The following KALRN variants were observed in gnomAD, a reference collection of about 807,000 sequenced individuals.
The protein encoded by KALRN is kalirin RhoGEF kinase.
Under a neutral mutation model 353.7 loss-of-function variants are expected in KALRN, and 70 were observed. That is an observed-to-expected ratio of 0.20 (90% CI 0.16 to 0.24). The LOEUF (loss-of-function observed/expected upper bound fraction) is 0.24. Among genes scored for constraint, KALRN ranks in the 10% least tolerant of loss-of-function variants. The probability of loss-of-function intolerance (pLI) is 1.00; values close to 1 mark genes in which losing one functional copy is unlikely to be tolerated. For synonymous variants in KALRN, 1,391 were observed against 1,434.8 expected (o/e 0.97, Z 0.69); for missense variants, 2,791 against 3,756.7 (o/e 0.74, Z 6.72).
At chr3:124,488,033 T>C (rs2062746198) in intron 28 of KALRN, among the ~76,000 whole-genome samples, 171 bp from the exon 29 acceptor site, 2 of 152,096 alleles carry the variant, frequency 1.3e-5, no homozygotes, top group Admixed American at 6.5e-5. Flanking sequence ...GGGAGAAAAA[T>C]AGTGCTTGAA....
intron 34 of KALRN, among the ~76,000 whole-genome samples, chr3:124,600,443 A>G (rs1415949608): frequency 6.6e-6 from 1 of 152,196 alleles, no homozygotes; most frequent in Non-Finnish European, 1.5e-5. Context: ...TTCTGTATCA[A>G]TGGGTACGTA....
intron 34 of KALRN, among the ~76,000 whole-genome samples, chr3:124,573,015 C>T (rs542952990): frequency 1.1e-3 from 163 of 152,264 alleles, no homozygotes; most frequent in African/African-American, 3.7e-3. Flanking sequence ...CCAGCCTGGG[C>T]GGCAGAGCGA....
intron 6 of KALRN, among the ~76,000 whole-genome samples, chr3:124,318,070 T>A (rs1316563316): frequency 6.6e-6 from 1 of 152,220 alleles, no homozygotes; most frequent in African/African-American, 2.4e-5. Flanking sequence ...TTTGGACATA[T>A]GGCCAGGCGC....
At chr3:124,647,676 T>C (rs1262416337) in intron 37 of KALRN, among the ~76,000 whole-genome samples, 1 of 152,212 alleles carries the variant, frequency 6.6e-6, no homozygotes. Flanking sequence ...TTCATCCTCA[T>C]TTCTCCAGCA....
intron 18 of KALRN, 113 bp from the exon 19 acceptor site, chr3:124,441,832 G>GAA: frequency 4.0e-4 from 198 of 497,692 alleles, no homozygotes; most frequent in Middle Eastern, 1.2e-3. Context: ...TCTCAAAAAA[G>GAA]AAAAAAAAAA....
chr3:124,091,099 C>A (rs1047646733), intron 1 of KALRN, among the ~76,000 whole-genome samples: 1 of 152,226 alleles, frequency 6.6e-6, no homozygotes, highest in Non-Finnish European at 1.5e-5. Flanking sequence ...TTCCACTCCA[C>A]CACTTGGGCG....
chr3:124,178,979 C>T (rs1234445358), intron 1 of KALRN, among the ~76,000 whole-genome samples: 3 of 151,960 alleles, frequency 2.0e-5, no homozygotes, highest in Non-Finnish European at 4.4e-5. Flanking sequence ...TGGGGGCACA[C>T]ACCTGTAGCC....
intron 33 of KALRN, among the ~76,000 whole-genome samples, chr3:124,547,714 C>T (rs908298813): frequency 1.3e-5 from 2 of 152,076 alleles, no homozygotes; most frequent in Admixed American, 1.3e-4. Flanking sequence ...CAATGTGGCT[C>T]CCCTGTCATG....
At chr3:124,182,104 G>T (rs1454118489) in intron 1 of KALRN, among the ~76,000 whole-genome samples, 1 of 152,206 alleles carries the variant, frequency 6.6e-6, no homozygotes, top group Non-Finnish European at 1.5e-5. Flanking sequence ...GACATTAGTT[G>T]GTCAGAAATT....
At chr3:124,467,076 A>G (rs546076072) in intron 25 of KALRN, among the ~76,000 whole-genome samples, 11 of 152,286 alleles carry the variant, frequency 7.2e-5, no homozygotes, top group African/African-American at 2.2e-4. Context: ...GCTGGAAGCT[A>G]TTAGATTTGG....
intron 53 of KALRN, among the ~76,000 whole-genome samples, chr3:124,695,669 A>C (rs189350217): frequency 6.6e-6 from 1 of 152,114 alleles, no homozygotes; most frequent in Non-Finnish European, 1.5e-5. Flanking sequence ...TTAGAAATTC[A>C]CTTAATTATT....
intron 1 of KALRN, among the ~76,000 whole-genome samples, chr3:124,183,176 CTG>C (rs1317396668): frequency 6.6e-6 from 1 of 152,160 alleles, no homozygotes; most frequent in Non-Finnish European, 1.5e-5. Flanking sequence ...TGGAGAGAGA[CTG>C]TGTTAAGCTG....
intron 13 of KALRN, among the ~76,000 whole-genome samples, chr3:124,411,121 C>G (rs1414329323): frequency 1.3e-5 from 2 of 152,026 alleles, no homozygotes; most frequent in Admixed American, 1.3e-4. Flanking sequence ...AGATTTCATT[C>G]ATATTAAATT....
chr3:124,698,514 A>G lies in KALRN; in HGVS notation c.7831+790A>G, dbSNP rs958972086. ...CCAGGGCAGGTTTCAAGGTGTCTTC[A>G]TGCATGTATCCCTACTTAACATGCT... On this transcript the variant is annotated intron_variant, in intron 55 of 59. Transcript: ENST00000682506. Among the ~76,000 whole-genome samples, 4 of 152,192 alleles carry G rather than the reference A, an allele frequency of 2.6e-5. No homozygotes were observed. The East Asian group carries it at 5.8e-4, about 22-fold the overall frequency.
rs2078250070 is a variant in KALRN at position 124,224,323 on chromosome 3, AT to A, written c.74-3665del. Among the ~76,000 whole-genome samples, 9 of 151,762 alleles carry A rather than the reference AT, an allele frequency of 5.9e-5. No individual in the cohort carries two copies. In the South Asian group the frequency reaches 1.9e-3, roughly 32 times the overall value. On this transcript the variant is annotated intron_variant, in intron 1 of 59. Coordinates refer to ENST00000682506, the MANE Select transcript of KALRN (RefSeq NM_001388419.1). Reference sequence around the variant, plus strand: ...CCTGGGCCACATTGAAAGAAAAAGAATTGTCTTGGACCACACAGAAAATACA... The same window carrying A: ...CCTGGGCCACATTGAAAGAAAAAGAATGTCTTGGACCACACAGAAAATACA...
At chr3:124,164,701 A>G (rs574127568) in intron 1 of KALRN, 2 of 152,116 alleles carry the variant, frequency 1.3e-5, no homozygotes, top group Non-Finnish European at 2.9e-5. Flanking sequence ...ATTAGTTTGG[A>G]CTTCTTTTTT....
At chr3:124,647,549 C>T (rs946238134) in intron 37 of KALRN, among the ~76,000 whole-genome samples, 1 of 152,176 alleles carries the variant, frequency 6.6e-6, no homozygotes, top group African/African-American at 2.4e-5. Flanking sequence ...TAAGTCTTTC[C>T]TTCTCCATCC....
At chr3:124,041,738 C>T (rs1306962724) in intron 1 of KALRN, among the ~76,000 whole-genome samples, 1 of 152,214 alleles carries the variant, frequency 6.6e-6, no homozygotes, top group Non-Finnish European at 1.5e-5. Context: ...GTTCAGAGTC[C>T]TCCTGCCACT....
At chr3:124,351,549 G>T (rs1430204637) in intron 10 of KALRN, among the ~76,000 whole-genome samples, 2 of 152,148 alleles carry the variant, frequency 1.3e-5, no homozygotes, top group Non-Finnish European at 2.9e-5. Flanking sequence ...TTGTCCTTCT[G>T]CAAGGAAAAG....
Sources: gnomAD v4.1 joint callset for allele counts (sites outside exome capture counted in the v4.1 genomes callset) on GRCh38, gnomAD v4.1.1 for gene constraint, MANE v1.5 for transcripts, NCBI Gene and HGNC (gene_info 2026-07-23, HGNC 2026-07-21) for gene names.